Variants in CPQ observed in about 807,000 individuals in gnomAD.
The protein encoded by CPQ is carboxypeptidase Q, also known as Ser-Met dipeptidase.
CPQ carries 37 observed loss-of-function variants against 45.7 expected under a neutral mutation model. The ratio of observed to expected loss-of-function variants is 0.81; its 90% confidence interval spans 0.62 to 1.07. CPQ has a LOEUF of 1.07. Among genes scored for constraint, CPQ ranks in the 50% least tolerant of loss-of-function variants. The pLI is 0.00. For missense variants in CPQ, 537 were observed against 572.9 expected, an observed-to-expected ratio of 0.94 and a Z score of 0.64; for synonymous variants, 186 against 205.8, an observed-to-expected ratio of 0.90 and a Z score of 0.82.
intron 1 of CPQ, among the ~76,000 whole-genome samples, chr8:96,738,087 G>A (rs959706915): frequency 6.6e-6 from 1 of 152,118 alleles, no homozygotes; most frequent in Non-Finnish European, 1.5e-5. Context: ...ATATTGCAAT[G>A]TATGAGATAT....
intron 4 of CPQ, among the ~76,000 whole-genome samples, chr8:96,952,629 A>T (rs1813285089): frequency 6.6e-6 from 1 of 152,132 alleles, no homozygotes; most frequent in African/African-American, 2.4e-5. Flanking sequence ...TAAGGGGTAT[A>T]GCAATCTTTA....
intron 5 of CPQ, among the ~76,000 whole-genome samples, chr8:97,024,724 A>G (rs574994709): frequency 9.5e-4 from 145 of 152,284 alleles, no homozygotes; most frequent in African/African-American, 3.3e-3. Flanking sequence ...TTGTCATTCA[A>G]TTCACATGCT....
intron 5 of CPQ, among the ~76,000 whole-genome samples, chr8:97,028,295 T>G (rs1176857621): frequency 2.0e-5 from 3 of 152,176 alleles, no homozygotes; most frequent in Non-Finnish European, 4.4e-5. Flanking sequence ...AGGAGAGAGC[T>G]CTGTGTCCCA....
chr8:96,836,992 A>G (rs1004957743), intron 3 of CPQ, among the ~76,000 whole-genome samples: 1 of 152,174 alleles, frequency 6.6e-6, no homozygotes, highest in African/African-American at 2.4e-5. Flanking sequence ...TTCAACATTT[A>G]TAAATACATA....
intron 5 of CPQ, among the ~76,000 whole-genome samples, chr8:96,986,461 G>A (rs1361702513): frequency 3.3e-5 from 5 of 152,058 alleles, no homozygotes; most frequent in South Asian, 2.1e-4. Context: ...AATTTTATAC[G>A]GATTTTTTTT....
intron 2 of CPQ, among the ~76,000 whole-genome samples, chr8:96,834,368 G>A (rs1357474818): frequency 1.3e-5 from 2 of 152,168 alleles, no homozygotes; most frequent in Non-Finnish European, 2.9e-5. Flanking sequence ...AGCATGGGAA[G>A]TTTCCACTCT....
intron 3 of CPQ, among the ~76,000 whole-genome samples, chr8:96,854,530 C>CAAAAAAAAAAAAAAA (rs1156706371): frequency 4.6e-4 from 4 of 8,698 alleles, no homozygotes; most frequent in East Asian, 5.1e-3. Flanking sequence ...GACTCCGTCT[C>CAAAAAAAAAAAAAAA]AAAAAAAAAA....
At chr8:96,699,012 T>TGAAGA (rs1809422656) in intron 1 of CPQ, among the ~76,000 whole-genome samples, 1 of 152,138 alleles carries the variant, frequency 6.6e-6, no homozygotes, top group Non-Finnish European at 1.5e-5. Context: ...CTCAGTATAT[T>TGAAGA]GAAGAGATAT....
chr8:97,008,938 A>G (rs963772045), intron 5 of CPQ, among the ~76,000 whole-genome samples: 80 of 152,330 alleles, frequency 5.3e-4, no homozygotes, highest in Non-Finnish European at 2.1e-4. Context: ...GCATGACACC[A>G]TGGTAGTCTG....
intron 5 of CPQ, among the ~76,000 whole-genome samples, chr8:97,000,853 A>T (rs1415619401): frequency 6.6e-6 from 1 of 151,946 alleles, no homozygotes; most frequent in Admixed American, 6.6e-5. Context: ...TAAAGATATT[A>T]ATTATTTGTA....
intron 3 of CPQ, among the ~76,000 whole-genome samples, chr8:96,858,832 C>T (rs1226472653): frequency 3.3e-5 from 5 of 152,142 alleles, no homozygotes; most frequent in South Asian, 2.1e-4. Context: ...TTAGATATAA[C>T]GAACAATGTG....
At chr8:97,010,614 A>C (rs950535307) in intron 5 of CPQ, among the ~76,000 whole-genome samples, 1 of 152,158 alleles carries the variant, frequency 6.6e-6, no homozygotes, top group African/African-American at 2.4e-5. Flanking sequence ...ACACAGCATC[A>C]GTGGAACTGT....
chr8:96,888,013 T>C (rs529930868), intron 4 of CPQ, among the ~76,000 whole-genome samples: 1 of 152,162 alleles, frequency 6.6e-6, no homozygotes. Flanking sequence ...CTTTTTTCAG[T>C]GTGGGGCAGG....
At chr8:96,794,048 A>G (rs933797099) in intron 2 of CPQ, among the ~76,000 whole-genome samples, 9 of 152,142 alleles carry the variant, frequency 5.9e-5, no homozygotes, top group East Asian at 1.9e-4. Flanking sequence ...TGGTGGATCT[A>G]TCATTCTGGG....
At chr8:96,962,874 A>G (rs921879710) in intron 4 of CPQ, among the ~76,000 whole-genome samples, 8 of 152,040 alleles carry the variant, frequency 5.3e-5, no homozygotes, top group Admixed American at 2.0e-4. Flanking sequence ...AATTACTACT[A>G]CTATTTCATT....
At chr8:96,864,275 T>C (rs1234152416) in intron 3 of CPQ, among the ~76,000 whole-genome samples, 2 of 152,008 alleles carry the variant, frequency 1.3e-5, no homozygotes, top group African/African-American at 2.4e-5. Context: ...GTCCCCACTC[T>C]CCAGATTTGG....
intron 1 of CPQ, among the ~76,000 whole-genome samples, chr8:96,666,624 G>C (rs1808928638): frequency 6.6e-6 from 1 of 152,220 alleles, no homozygotes; most frequent in Non-Finnish European, 1.5e-5. Flanking sequence ...GTATCGACTG[G>C]TCTATCACAA....
chr8:97,043,307 A>C (rs550953247), intron 6 of CPQ, among the ~76,000 whole-genome samples: 1 of 150,658 alleles, frequency 6.6e-6, no homozygotes, highest in African/African-American at 2.4e-5. Flanking sequence ...TAGGATTGCA[A>C]CCCCTGCCTT....
chr8:97,029,283 T>C, intron 5 of CPQ, 120 bp from the exon 6 acceptor site: 1 of 910,312 alleles, frequency 1.1e-6, no homozygotes, highest in Admixed American at 2.3e-5. Context: ...ACCACACCAG[T>C]GAGAGTTGAA....
Sources: allele counts gnomAD v4.1 joint callset (sites outside exome capture counted in the v4.1 genomes callset), GRCh38; gene constraint gnomAD v4.1.1; transcripts MANE v1.5; gene names NCBI Gene and HGNC (gene_info 2026-07-23, HGNC 2026-07-21).